Variants in IRAK1BP1 observed in about 807,000 individuals in gnomAD.
IRAK1BP1 encodes the protein interleukin-1 receptor-associated kinase 1-binding protein 1.
IRAK1BP1 carries 24 observed loss-of-function variants against 28.0 expected under a neutral mutation model. The observed-to-expected ratio is 0.86, with a 90% confidence interval of 0.62 to 1.20. IRAK1BP1 has a LOEUF of 1.20. Ranked by LOEUF, IRAK1BP1 falls within the 50% of genes most tolerant of loss-of-function variation. IRAK1BP1 has a pLI of 0.00. For missense variants in IRAK1BP1, 336 were observed against 316.7 expected (o/e 1.06, Z -0.46); for synonymous variants, 131 against 116.3 (o/e 1.13, Z -0.81).
At chr6:78,970,234 T>A in the IRAK1BP1 span, 2 of 1,438,640 alleles carry the variant, frequency 1.4e-6, no homozygotes, top group African/African-American at 2.8e-5. Context: ...AATAGACTGC[T>A]AAACATTGTT....
intron 1 of IRAK1BP1, among the ~76,000 whole-genome samples, chr6:78,870,014 CAGG>C (rs1465088709): frequency 7.0e-6 from 1 of 143,384 alleles, no homozygotes; most frequent in Non-Finnish European, 1.5e-5. Flanking sequence ...GAGGCTGAGG[CAGG>C]AGAATTGCTT....
the IRAK1BP1 span, among the ~76,000 whole-genome samples, chr6:78,974,208 C>T: frequency 6.6e-6 from 1 of 152,076 alleles, no homozygotes; most frequent in African/African-American, 2.4e-5. Context: ...AACTAGAATT[C>T]AGGATTAAGA....
chr6:78,961,551 T>G, the IRAK1BP1 span: 3 of 754,048 alleles, frequency 4.0e-6, no homozygotes, highest in East Asian at 9.6e-5. Context: ...CTGAATAAGA[T>G]TCTACATTTT....
chr6:78,888,737 A>G (rs1771517490), intron 2 of IRAK1BP1, among the ~76,000 whole-genome samples: 2 of 151,980 alleles, frequency 1.3e-5, no homozygotes, highest in African/African-American at 4.8e-5. Context: ...CCAACTCCTG[A>G]CCTCAAGTGA....
At chr6:78,978,831 T>C in the IRAK1BP1 span, 2 of 704,520 alleles carry the variant, frequency 2.8e-6, no homozygotes, top group Non-Finnish European at 4.3e-6. Flanking sequence ...CATTGTACAA[T>C]ATTATATACA....
intron 2 of IRAK1BP1, among the ~76,000 whole-genome samples, chr6:78,891,653 G>T (rs1037551288): frequency 2.0e-5 from 3 of 152,024 alleles, no homozygotes; most frequent in Non-Finnish European, 4.4e-5. Context: ...GTAGAACCGG[G>T]TTTTCACCAT....
downstream of IRAK1BP1, among the ~76,000 whole-genome samples, chr6:78,904,632 A>G (rs1002234005): frequency 2.6e-5 from 4 of 152,190 alleles, no homozygotes; most frequent in African/African-American, 9.6e-5. Flanking sequence ...CTTCCATTGA[A>G]TCAGTCATAT....
intron 1 of IRAK1BP1, 50 bp downstream of exon 1, chr6:78,867,941 T>A (rs1324504611): frequency 6.7e-7 from 1 of 1,484,034 alleles, no homozygotes; most frequent in South Asian, 1.4e-5. Context: ...ACAAAAGGGT[T>A]GGCAGATGGT....
chr6:78,928,411 G>T (rs192343143), intron 4 of IRAK1BP1, among the ~76,000 whole-genome samples: 124 of 151,868 alleles, frequency 8.2e-4, no homozygotes, highest in Middle Eastern at 3.4e-3. Flanking sequence ...AATAGTTTTT[G>T]TGTGTGTGTG....
chr6:78,917,556 C>T (rs1181300084), intron 4 of IRAK1BP1, among the ~76,000 whole-genome samples: 1 of 140,878 alleles, frequency 7.1e-6, no homozygotes, highest in Non-Finnish European at 1.5e-5. Flanking sequence ...ACAAGAAATT[C>T]AGAGAACACC....
chr6:78,887,664 TCACA>T (rs759279494), intron 2 of IRAK1BP1, among the ~76,000 whole-genome samples: 47 of 151,764 alleles, frequency 3.1e-4, no homozygotes, highest in Non-Finnish European at 5.0e-4. Flanking sequence ...AGACTCCATC[TCACA>T]CACACACACA....
intron 1 of IRAK1BP1, among the ~76,000 whole-genome samples, chr6:78,870,703 T>C (rs1176313717): frequency 6.6e-6 from 1 of 152,176 alleles, no homozygotes; most frequent in East Asian, 1.9e-4. Context: ...TTGTTCATTT[T>C]TGTTTTTGGT....
At chr6:78,871,148 G>T (rs116544600) in intron 1 of IRAK1BP1, 1 of 459,380 alleles carries the variant, frequency 2.2e-6, no homozygotes, top group Non-Finnish European at 2.9e-6. Context: ...CAAGGAGCCA[G>T]TAGATTTGGT....
intron 4 of IRAK1BP1, among the ~76,000 whole-genome samples, chr6:78,932,412 TTTC>T (rs1399476616): frequency 1.6e-5 from 2 of 126,808 alleles, no homozygotes; most frequent in Middle Eastern, 3.9e-3. Context: ...ATTTCTTTTC[TTTC>T]TTTTTCTTTT....
intron 4 of IRAK1BP1, chr6:78,935,623 G>C (rs1455253518): frequency 1.0e-6 from 1 of 981,874 alleles, no homozygotes. Flanking sequence ...AGGCATATAA[G>C]TTTTTGACCT....
At chr6:78,977,783 G>T in the IRAK1BP1 span, among the ~76,000 whole-genome samples, 1 of 152,106 alleles carries the variant, frequency 6.6e-6, no homozygotes, top group Non-Finnish European at 1.5e-5. Context: ...TCTTCAAGTC[G>T]TATGAGGCAA....
chr6:78,956,037 C>T, the IRAK1BP1 span: 1 of 156,398 alleles, frequency 6.4e-6, no homozygotes, highest in African/African-American at 2.4e-5. Flanking sequence ...AAATTTTGTT[C>T]TTAACGCATC....
chr6:78,944,519 T>C (rs1773696226), intron 4 of IRAK1BP1, among the ~76,000 whole-genome samples: 1 of 151,530 alleles, frequency 6.6e-6, no homozygotes, highest in South Asian at 2.1e-4. Flanking sequence ...GAGGAGAGAA[T>C]AGATTTAAGA....
intron 1 of IRAK1BP1, among the ~76,000 whole-genome samples, chr6:78,883,518 T>C (rs1021476633): frequency 6.6e-6 from 1 of 152,126 alleles, no homozygotes; most frequent in African/African-American, 2.4e-5. Flanking sequence ...CCAATTACCT[T>C]TCATAAAATT....
Sources: gnomAD v4.1 joint callset for allele counts (sites outside exome capture counted in the v4.1 genomes callset) on GRCh38, gnomAD v4.1.1 for gene constraint, MANE v1.5 for transcripts, NCBI Gene and HGNC (gene_info 2026-07-23, HGNC 2026-07-21) for gene names.